Variants in PCDHGA4 observed in about 807,000 individuals in gnomAD.
PCDHGA4 encodes protocadherin gamma-A4.
In PCDHGA4, 38 loss-of-function variants were observed where a neutral mutation model predicts 54.6. The observed-to-expected ratio is 0.70, with a 90% confidence interval of 0.54 to 0.91. The LOEUF (loss-of-function observed/expected upper bound fraction) is 0.91, where lower values mean the gene tolerates loss of function less well. Ranked by LOEUF, PCDHGA4 falls within the 40% of genes least tolerant of loss-of-function variation. PCDHGA4 has a pLI of 0.00. For synonymous variants in PCDHGA4, 511 were observed against 512.9 expected (o/e 1.00, Z 0.05); for missense variants, 1,298 against 1,220.9 (o/e 1.06, Z -0.94).
Position 141,507,461 on chromosome 5 carries a change from G to A in PCDHGA4, c.2662+1980G>A, listed in dbSNP as rs145114393. On this transcript the variant is annotated intron_variant, in intron 3 of 3. Coordinates refer to ENST00000571252, the MANE Select transcript of PCDHGA4 (RefSeq NM_018917.4). ...AGCTGACGGAAGGACAGAGAGAGAG[G>A]TGGCAGGGACTGCTGGCCTCCTGAG... Among the ~76,000 whole-genome samples the A allele has an allele frequency of 3.8e-3, 581 of 152,330 alleles. 5 individuals are homozygous for A. Among genetic ancestry groups the A allele is most frequent in the African/African-American group, 0.012 (485 of 41,570 alleles).
chr5:141,379,889 CTTTTTTTTTTTTTTTT>C (rs70988800), intron 1 of PCDHGA4, among the ~76,000 whole-genome samples: 915 of 50,904 alleles, frequency 0.018, 31 homozygotes, highest in African/African-American at 0.056. Context: ...GTGAAAGCCT[CTTTTTTTTTTTTTTTT>C]TTTTTTTTTT....
chr5:141,393,613 G>A, intron 1 of PCDHGA4: 1 of 1,613,926 alleles, frequency 6.2e-7, no homozygotes, highest in Non-Finnish European at 8.5e-7. Flanking sequence ...GTAACAGCCA[G>A]CGACCCGGAT....
At chr5:141,421,913 T>C in intron 1 of PCDHGA4, 1 of 1,613,710 alleles carries the variant, frequency 6.2e-7, no homozygotes, top group Non-Finnish European at 8.5e-7. Context: ...GCAGTTCCCA[T>C]TCGTGTGGTG....
chr5:141,380,771 A>G (rs1337028514), intron 1 of PCDHGA4, among the ~76,000 whole-genome samples: 1 of 152,198 alleles, frequency 6.6e-6, no homozygotes, highest in Non-Finnish European at 1.5e-5. Context: ...ATTAATTGAG[A>G]CTTTTTTAAA....
chr5:141,360,560 T>G (rs746175290), intron 1 of PCDHGA4: 4 of 1,613,846 alleles, frequency 2.5e-6, no homozygotes, highest in Non-Finnish European at 3.4e-6. Flanking sequence ...AATTTAAAAA[T>G]TGGCGAATCC....
intron 1 of PCDHGA4, chr5:141,439,735 G>A (rs1317592646): frequency 1.3e-5 from 2 of 152,360 alleles, no homozygotes; most frequent in Non-Finnish European, 2.9e-5. Flanking sequence ...AGCAGGAACG[G>A]AACGGATTTA....
chr5:141,389,101 C>G, intron 1 of PCDHGA4: 1 of 1,614,030 alleles, frequency 6.2e-7, no homozygotes, highest in Non-Finnish European at 8.5e-7. Flanking sequence ...GTGACAGATG[C>G]TGTTCTAGAC....
intron 1 of PCDHGA4, chr5:141,392,652 A>T: frequency 1.4e-6 from 1 of 713,126 alleles, no homozygotes; most frequent in South Asian, 2.2e-5. Flanking sequence ...GAAGACCCGC[A>T]GATGCCACAA....
chr5:141,421,532 C>T lies in PCDHGA4; in HGVS notation c.2514+63911C>T, dbSNP rs557991200. On this transcript the variant is annotated intron_variant, in intron 1 of 3. Transcript: ENST00000571252. ...GAGGAGCTCTGTGAGACGGTGTCCT[C>T]CTGTTTTTTAAATATGGAACTTCTC... The T allele has an allele frequency of 1.4e-5, 23 of 1,613,996 alleles. No individual in the cohort carries two copies. In the African/African-American group the frequency reaches 2.4e-4, roughly 17 times the overall value.
At chr5:141,360,843 C>G (rs910664589) in intron 1 of PCDHGA4, 1 of 1,613,956 alleles carries the variant, frequency 6.2e-7, no homozygotes. Flanking sequence ...CGGATGCCAA[C>G]GATAACCCTC....
chr5:141,413,881 G>C (rs774026375), intron 1 of PCDHGA4: 5 of 1,613,400 alleles, frequency 3.1e-6, no homozygotes, highest in Non-Finnish European at 4.2e-6. Context: ...CAGTGTGACT[G>C]TCTTCGATGC....
chr5:141,492,316 G>C (rs1283387204), intron 1 of PCDHGA4, among the ~76,000 whole-genome samples: 1 of 152,190 alleles, frequency 6.6e-6, no homozygotes. Context: ...CGCACTCCTC[G>C]CACGTGGGCT....
chr5:141,357,697 T>A, intron 1 of PCDHGA4, 76 bp downstream of exon 1: 6 of 1,523,702 alleles, frequency 3.9e-6, no homozygotes, highest in African/African-American at 1.4e-5. Flanking sequence ...TCATTTTATA[T>A]GTAATATATC....
At chr5:141,447,824 G>A (rs926580893) in intron 1 of PCDHGA4, among the ~76,000 whole-genome samples, 7 of 152,034 alleles carry the variant, frequency 4.6e-5, no homozygotes, top group Admixed American at 1.3e-4. Flanking sequence ...GGTGGCTCAC[G>A]CCTGTAATCC....
intron 1 of PCDHGA4, among the ~76,000 whole-genome samples, chr5:141,465,879 T>C (rs979784878): frequency 6.6e-6 from 1 of 152,062 alleles, no homozygotes; most frequent in African/African-American, 2.4e-5. Context: ...TCCCAGCACT[T>C]TGGGAGGCCG....
chr5:141,403,613 C>T lies in PCDHGA4; in HGVS notation c.2514+45992C>T, dbSNP rs769394271. On this transcript the variant is annotated intron_variant, in intron 1 of 3. Transcript: ENST00000571252. ...CACGGCCTCGGATGGCGGCGAGCCG[C>T]GTCGCTCCAGCACAGTGCGCATCCA... The T allele has an allele frequency of 3.5e-5, 56 of 1,613,778 alleles. No homozygotes were observed. Among genetic ancestry groups the T allele is most frequent in the Non-Finnish European group, 4.7e-5 (55 of 1,179,908 alleles).
Position 141,368,541 on chromosome 5 carries a change from T to A in PCDHGA4, c.2514+10920T>A, listed in dbSNP as rs544013276. Among the ~76,000 whole-genome samples, 312 of 152,078 alleles carry A rather than the reference T, an allele frequency of 2.1e-3. 1 individual carries two copies. Among genetic ancestry groups the A allele is most frequent in the Middle Eastern group, 0.01 (3 of 292 alleles). On this transcript the variant is annotated intron_variant, in intron 1 of 3. Transcript: ENST00000571252. ...TCCTATGTGAAAACTTGCTTTTCCA[T>A]TTTTTTTAAAAGAAAATGTTATATG...
chr5:141,375,664 C>A (rs766359955), intron 1 of PCDHGA4: 2 of 1,614,256 alleles, frequency 1.2e-6, no homozygotes, highest in East Asian at 4.5e-5. Context: ...AGTTGAGAGA[C>A]CTACAGCTGT....
chr5:141,393,232 T>TA lies in PCDHGA4; in HGVS notation c.2514+35616dup, dbSNP rs774547937. On this transcript the variant is annotated intron_variant, in intron 1 of 3. Coordinates refer to ENST00000571252, the MANE Select transcript of PCDHGA4 (RefSeq NM_018917.4). The stretch of plus-strand genomic sequence containing the variant: ...AAATTCCAGGTCGAAGATCTAGAAG[T>TA]AAAAATTAACGAAATCGCGGTTCCT... The TA allele has an allele frequency of 5.6e-6, 9 of 1,613,542 alleles. No homozygotes were observed. The African/African-American group carries it at 1.2e-4, about 22-fold the overall frequency.
Sources: gnomAD v4.1 joint callset for allele counts (sites outside exome capture counted in the v4.1 genomes callset) on GRCh38, gnomAD v4.1.1 for gene constraint, MANE v1.5 for transcripts, NCBI Gene and HGNC (gene_info 2026-07-23, HGNC 2026-07-21) for gene names.